Variants in SGCZ observed in about 807,000 individuals in gnomAD.
The protein encoded by SGCZ is sarcoglycan zeta.
In SGCZ, 40 loss-of-function variants were observed where a neutral mutation model predicts 41.3. The observed-to-expected ratio is 0.97, with a 90% confidence interval of 0.75 to 1.26. The LOEUF (loss-of-function observed/expected upper bound fraction) is 1.26. SGCZ is among the 50% of genes most tolerant of loss of function. The pLI, the probability that SGCZ is intolerant of heterozygous loss-of-function variation, is 0.00. For missense variants in SGCZ, 552 were observed against 369.8 expected (o/e 1.49, Z -4.04); for synonymous variants, 206 against 137.5 (o/e 1.50, Z -3.49).
At chr8:14,300,064 T>C (rs896917588) in intron 3 of SGCZ, among the ~76,000 whole-genome samples, 2 of 152,000 alleles carry the variant, frequency 1.3e-5, no homozygotes, top group Non-Finnish European at 2.9e-5. Flanking sequence ...GTTTGAATTG[T>C]AATTGCTTGG....
intron 1 of SGCZ, among the ~76,000 whole-genome samples, chr8:14,679,946 A>G (rs889081048): frequency 6.6e-6 from 1 of 152,134 alleles, no homozygotes; most frequent in Non-Finnish European, 1.5e-5. Flanking sequence ...AAATGCCTAC[A>G]GTACTCAGAA....
chr8:14,891,888 C>G (rs2130743543), intron 1 of SGCZ, among the ~76,000 whole-genome samples: 1 of 152,282 alleles, frequency 6.6e-6, no homozygotes, highest in East Asian at 1.9e-4. Flanking sequence ...TCACTGAAGG[C>G]TCAGATGGTC....
At position 14,668,274 on chromosome 8, in the gene SGCZ, A is replaced by T. The variant is rs186354277; in HGVS notation, c.40-113348T>A. ...CGCCCCCAGCCCAGATTTATTTTTA[A>T]ATGAATTCAGTCCAAGCTCATAGGC... On this transcript the variant is annotated intron_variant, in intron 1 of 7. Transcript: ENST00000382080. Among the ~76,000 whole-genome samples the T allele has an allele frequency of 5.4e-3, 822 of 152,294 alleles. 4 individuals are homozygous for T. Among genetic ancestry groups the T allele is most frequent in the African/African-American group, 0.019 (793 of 41,556 alleles).
intron 2 of SGCZ, among the ~76,000 whole-genome samples, chr8:14,378,887 TA>T (rs968076265): frequency 6.6e-6 from 1 of 152,030 alleles, no homozygotes; most frequent in Non-Finnish European, 1.5e-5. Flanking sequence ...TTAACAGACC[TA>T]AAAAAAATCT....
chr8:14,630,212 A>T (rs1436395938), intron 1 of SGCZ, among the ~76,000 whole-genome samples: 1 of 143,150 alleles, frequency 7.0e-6, no homozygotes, highest in African/African-American at 2.8e-5. Flanking sequence ...AAATTCATCA[A>T]AGTTATTTTT....
At chr8:14,814,935 C>T (rs542624411) in intron 1 of SGCZ, among the ~76,000 whole-genome samples, 1 of 152,218 alleles carries the variant, frequency 6.6e-6, no homozygotes, top group South Asian at 2.1e-4. Context: ...TTTGCTGTTT[C>T]TGTAATAGGA....
chr8:14,871,990 A>T (rs1297535032), intron 1 of SGCZ, among the ~76,000 whole-genome samples: 1 of 151,966 alleles, frequency 6.6e-6, no homozygotes, highest in African/African-American at 2.4e-5. Context: ...ATGCAGCCAT[A>T]AAAAAGGATG....
intron 1 of SGCZ, among the ~76,000 whole-genome samples, chr8:15,156,141 T>C (rs1201835671): frequency 1.3e-5 from 2 of 151,904 alleles, no homozygotes; most frequent in Non-Finnish European, 2.9e-5. Flanking sequence ...GCCACATTTA[T>C]AGGTAACTTT....
At chr8:14,323,989 C>T (rs1021472135) in intron 3 of SGCZ, 114 bp downstream of exon 3, 19 of 644,420 alleles carry the variant, frequency 2.9e-5, no homozygotes, top group Non-Finnish European at 4.2e-5. Flanking sequence ...AGGTGTTTAG[C>T]TTAAGGAAAC....
At chr8:14,612,568 CTAGATTAT>C (rs1331191393) in intron 1 of SGCZ, among the ~76,000 whole-genome samples, 1 of 152,116 alleles carries the variant, frequency 6.6e-6, no homozygotes, top group African/African-American at 2.4e-5. Context: ...TAGTCAGAAC[CTAGATTAT>C]TTTCCCCCAA....
chr8:14,282,131 T>TAA (rs11394787), intron 3 of SGCZ, among the ~76,000 whole-genome samples: 1,941 of 151,338 alleles, frequency 0.013, 37 homozygotes, highest in African/African-American at 0.043. Flanking sequence ...ATCTACTATG[T>TAA]AAAAAAAAAT....
chr8:14,781,096 A>T (rs564516481), intron 1 of SGCZ, among the ~76,000 whole-genome samples: 66 of 152,164 alleles, frequency 4.3e-4, no homozygotes, highest in Non-Finnish European at 8.4e-4. Context: ...CAGCATTCTG[A>T]CTCAGTATTA....
At chr8:15,068,076 G>A (rs895129386) in intron 1 of SGCZ, among the ~76,000 whole-genome samples, 5 of 152,172 alleles carry the variant, frequency 3.3e-5, no homozygotes, top group Non-Finnish European at 5.9e-5. Flanking sequence ...GAGCAGTGCC[G>A]TAAAAGATGC....
chr8:15,051,415 C>T (rs1006405775), intron 1 of SGCZ, among the ~76,000 whole-genome samples: 8 of 151,904 alleles, frequency 5.3e-5, no homozygotes, highest in African/African-American at 1.9e-4. Context: ...ATCCTCCTCT[C>T]GATAGACATG....
rs556560887 is a variant in SGCZ, at chr8:14,921,420, CT to C, written c.39+316164del. Among the ~76,000 whole-genome samples, 58 of 152,118 alleles carry C rather than the reference CT, an allele frequency of 3.8e-4. 2 individuals are homozygous for C. In the South Asian group the frequency reaches 0.012, roughly 32 times the overall value. On this transcript the variant is annotated intron_variant, in intron 1 of 7. Transcript: ENST00000382080. ...TAGAAAATGGGGAGAGCAATGACCC[CT>C]ATCTATCAAGTTGTAAAGATTAAAG... is the stretch of plus-strand genomic sequence containing the variant.
At chr8:14,125,266 GGT>G (rs1802816043) in intron 5 of SGCZ, among the ~76,000 whole-genome samples, 1 of 148,030 alleles carries the variant, frequency 6.8e-6, no homozygotes, top group African/African-American at 2.7e-5. Context: ...TGGTTCACAA[GGT>G]CGAGGTGGGT....
At chr8:14,107,248 A>C (rs963929991) in intron 6 of SGCZ, among the ~76,000 whole-genome samples, 1 of 151,944 alleles carries the variant, frequency 6.6e-6, no homozygotes, top group African/African-American at 2.4e-5. Context: ...ATAAAAAAAA[A>C]AAACATCCAC....
At chr8:14,388,904 G>A (rs534907641) in intron 2 of SGCZ, among the ~76,000 whole-genome samples, 7 of 151,052 alleles carry the variant, frequency 4.6e-5, no homozygotes, top group Non-Finnish European at 7.4e-5. Flanking sequence ...AAAGGAATTA[G>A]CATTAAAGAT....
At chr8:14,843,821 G>C (rs1343766173) in intron 1 of SGCZ, among the ~76,000 whole-genome samples, 2 of 151,686 alleles carry the variant, frequency 1.3e-5, no homozygotes, top group Non-Finnish European at 2.9e-5. Context: ...CTAATTTTAA[G>C]CCTAATCAAA....
Sources: allele counts gnomAD v4.1 joint callset (sites outside exome capture counted in the v4.1 genomes callset), GRCh38; gene constraint gnomAD v4.1.1; transcripts MANE v1.5; gene names NCBI Gene and HGNC (gene_info 2026-07-23, HGNC 2026-07-21).